The following ZNF142 variants were observed in gnomAD, a reference collection of about 807,000 sequenced individuals.
ZNF142 encodes the protein zinc finger protein 142, also known as zinc finger protein 142 (clone pHZ-49).
In ZNF142, 96 loss-of-function variants were observed where a neutral mutation model predicts 132.1. That is an observed-to-expected ratio of 0.73 (90% CI 0.62 to 0.86). The LOEUF (loss-of-function observed/expected upper bound fraction) is 0.86. Ranked by LOEUF, ZNF142 falls within the 40% of genes least tolerant of loss-of-function variation. The probability of loss-of-function intolerance (pLI) is 0.00; values close to 1 mark genes in which losing one functional copy is unlikely to be tolerated. For synonymous variants in ZNF142, 842 were observed against 890.1 expected, an observed-to-expected ratio of 0.95 and a Z score of 0.96; for missense variants, 2,163 against 2,336.2, an observed-to-expected ratio of 0.93 and a Z score of 1.53.
intron 4 of ZNF142, among the ~76,000 whole-genome samples, chr2:218,654,417 G>C (rs2106269623): frequency 6.6e-6 from 1 of 150,432 alleles, no homozygotes; most frequent in East Asian, 2.0e-4. Flanking sequence ...TCCAGGCTAG[G>C]GTTCAGTGGT....
In ZNF142 at chr2:218,633,397, C is replaced by A; in HGVS notation, c.*4942G>T. On this transcript the variant is annotated 3_prime_UTR_variant, in exon 11 of 11. Coordinates refer to ENST00000411696, the MANE Select transcript of ZNF142 (RefSeq NM_001379659.1). The stretch of plus-strand genomic sequence containing the variant: ...ATTCCCACCCCCAGGTTGTGACGTG[C>A]CCGCTGTTTTGTCCGTCTATCTGTT... 1.4e-6 allele frequency: 1 copy of A among 713,800 alleles called. No homozygotes were observed. The highest frequency in any genetic ancestry group is 2.5e-6 in the Non-Finnish European group (1 of 394,120). 44.2% of individuals were successfully genotyped at this position (713,800 alleles called of 1,614,324 possible). A position where few individuals can be genotyped will look rare whatever the true frequency, so the allele number is the denominator to read the frequency against.
chr2:218,634,541 C>T lies in ZNF142; in HGVS notation c.*3798G>A, dbSNP rs1263131530. 1 of 1,614,066 alleles carries T rather than the reference C, an allele frequency of 6.2e-7. No individual in the cohort carries two copies. Among genetic ancestry groups the T allele is most frequent in the Non-Finnish European group, 8.5e-7 (1 of 1,179,894 alleles). ...CCAGAATGGCGGCTGTGGCTATGTGCTGAAGCCAGACTTCCTGCGTGATAT... is the reference window on the plus strand; with the variant it reads ...CCAGAATGGCGGCTGTGGCTATGTGTTGAAGCCAGACTTCCTGCGTGATAT... On this transcript the variant is annotated 3_prime_UTR_variant, in exon 11 of 11. Transcript: ENST00000411696. The surrounding 1 kb of genome is among the most constrained non-coding windows in gnomAD (Gnocchi z 4.0).
At position 218,644,875 on chromosome 2, in the gene ZNF142, G is replaced by T; in HGVS notation, c.2241C>A (p.His747Gln). 6.2e-7 allele frequency: 1 copy of T among 1,614,126 alleles called. No homozygotes were observed. The highest frequency in any genetic ancestry group is 1.1e-5 in the South Asian group (1 of 91,082). Reference protein sequence around the residue: ...PGTPAPLYPCHYCSYQSRHKQ... With the variant: ...PGTPAPLYPCQYCSYQSRHKQ... ...TGTGGCGGCTCTGGTAACTGCAGTA[G>T]TGGCAAGGGTAGAGTGGGGCCGGTG... Residue 747 changes from histidine (H) to glutamine (Q), a missense_variant, in exon 9 of 11, where the codon CAC becomes CAA. Transcript: ENST00000411696. This position sits in a 1 kb window ranked among gnomAD's most constrained non-coding sequence, Gnocchi z 4.6.
chr2:218,646,701 T>C (rs1340193097), intron 7 of ZNF142, among the ~76,000 whole-genome samples: 1 of 152,156 alleles, frequency 6.6e-6, no homozygotes, highest in African/African-American at 2.4e-5. Flanking sequence ...TCTTGTGCCT[T>C]AGCCTCTCGA....
chr2:218,644,174 C>T lies in ZNF142; in HGVS notation c.2942G>A (p.Gly981Glu), dbSNP rs750890910. The change falls in exon 9 of 11, where the codon GGA becomes GAA. Residue 981 changes from glycine (G) to glutamate (E), a missense_variant. By Grantham distance (98) the Gly-to-Glu change is moderately conservative. This residue lies in a region of ZNF142 where 809 missense variants were observed against 801.7 expected (regional missense o/e 1.01). Coordinates refer to ENST00000411696, the MANE Select transcript of ZNF142 (RefSeq NM_001379659.1). This position sits in a 1 kb window ranked among gnomAD's most constrained non-coding sequence, Gnocchi z 4.6. ...SLEEAPNNWVGTFKTTPPAET... is the reference protein window; with the variant it reads ...SLEEAPNNWVETFKTTPPAET... The stretch of plus-strand genomic sequence containing the variant: ...AGCAGGTGGAGTTGTCTTGAAGGTT[C>T]CTACCCAGTTGTTAGGAGCCTCCTC... The T allele has an allele frequency of 1.2e-6, 2 of 1,614,106 alleles. No homozygotes were observed. Among genetic ancestry groups the T allele is most frequent in the Non-Finnish European group, 1.7e-6 (2 of 1,180,000 alleles).
Position 218,638,168 on chromosome 2 carries a change from T to C in ZNF142, c.*171A>G, listed in dbSNP as rs1696862067. On this transcript the variant is annotated 3_prime_UTR_variant, in exon 11 of 11. Transcript: ENST00000411696. Reference sequence around the variant, plus strand: ...CGTTATAGTCCATGTCCCTCTTTTATATGGGTGATAATTTCAAAGTACTAT... The same window carrying C: ...CGTTATAGTCCATGTCCCTCTTTTACATGGGTGATAATTTCAAAGTACTAT... 1 of 516,676 alleles carries C rather than the reference T, an allele frequency of 1.9e-6. No individual in the cohort carries two copies. The highest frequency in any genetic ancestry group is 3.1e-6 in the Non-Finnish European group (1 of 325,180). 32.0% of individuals were successfully genotyped at this position (516,676 alleles called of 1,614,324 possible). A position where few individuals can be genotyped will look rare whatever the true frequency, so the allele number is the denominator to read the frequency against.
intron 9 of ZNF142, 130 bp from the exon 10 acceptor site, chr2:218,640,899 T>C (rs1239733627): frequency 1.4e-6 from 1 of 715,594 alleles, no homozygotes; most frequent in Non-Finnish European, 2.3e-6. Flanking sequence ...TGGAACTTTG[T>C]TTTTCTTAAT....
At chr2:218,657,930 A>G (rs1938702666) in intron 3 of ZNF142, among the ~76,000 whole-genome samples, 1 of 152,206 alleles carries the variant, frequency 6.6e-6, no homozygotes, top group Non-Finnish European at 1.5e-5. Context: ...TTCAACGAAC[A>G]CAAATCACCC....
At position 218,634,669 on chromosome 2, in the gene ZNF142, A is replaced by T. The variant is rs771342574; in HGVS notation, c.*3670T>A. The T allele has an allele frequency of 6.2e-7, 1 of 1,602,924 alleles. No homozygotes were observed. The highest frequency in any genetic ancestry group is 8.5e-7 in the Non-Finnish European group (1 of 1,172,202). ...AAACTGTTGGGAAGAAACTGAGATA[A>T]CTGGGATAGAAGTGAGGGAAGAGGT... On this transcript the variant is annotated 3_prime_UTR_variant, in exon 11 of 11. Coordinates refer to ENST00000411696, the MANE Select transcript of ZNF142 (RefSeq NM_001379659.1). The surrounding 1 kb of genome is among the most constrained non-coding windows in gnomAD (Gnocchi z 4.0).
At position 218,634,625 on chromosome 2, in the gene ZNF142, A is replaced by T. The variant is rs1261178276; in HGVS notation, c.*3714T>A. ...CCCTTTCAAAGCCCAGACTCTCTTA[A>T]TCCAGGTACAGTGGAAATAAACTGT... On this transcript the variant is annotated 3_prime_UTR_variant, in exon 11 of 11. Transcript: ENST00000411696. This position sits in a 1 kb window ranked among gnomAD's most constrained non-coding sequence, Gnocchi z 4.0. The T allele has an allele frequency of 6.2e-7, 1 of 1,612,646 alleles. No homozygotes were observed.
At position 218,640,710 on chromosome 2, in the gene ZNF142, C is replaced by A. The variant is rs745634991; in HGVS notation, c.5148G>T (p.Lys1716Asn). Residue 1716 changes from lysine (K) to asparagine (N), a missense_variant, in exon 10 of 11, where the codon AAG (lysine) becomes AAT (asparagine). By Grantham distance (94) the Lys-to-Asn change is moderately conservative. Coordinates refer to ENST00000411696, the MANE Select transcript of ZNF142 (RefSeq NM_001379659.1). ...RKYLCPECGY[K>N]CKWVNQLKYH... The stretch of plus-strand genomic sequence containing the variant: ...ATTTCAGCTGGTTGACCCACTTGCA[C>A]TTGTAGCCACACTCAGGGCACAGGT... 3.1e-6 allele frequency: 5 copies of A among 1,614,064 alleles called. No homozygotes were observed. In the Admixed American group the frequency reaches 8.3e-5, roughly 27 times the overall value.
rs768250471 is a variant in ZNF142 at position 218,642,505 on chromosome 2, GCACAGCAACC to G, written c.4601_4610del (p.Gly1534AlafsTer60). The G allele has an allele frequency of 6.2e-7, 1 of 1,607,444 alleles. No homozygotes were observed. The highest frequency in any genetic ancestry group is 1.7e-5 in the Admixed American group (1 of 59,810). Reference sequence around the variant, plus strand: ...GTCCTCGTAAGCTGGCAGGGCTGGGGCACAGCAACCCACAGCGGGAACAGTGCAGGGGGCC... The same window carrying G: ...GTCCTCGTAAGCTGGCAGGGCTGGGGCACAGCGGGAACAGTGCAGGGGGCC... On this transcript the variant is annotated frameshift_variant, in exon 9 of 11. Coordinates refer to ENST00000411696, the MANE Select transcript of ZNF142 (RefSeq NM_001379659.1). LOFTEE classifies it high-confidence loss of function. This position sits in a 1 kb window ranked among gnomAD's most constrained non-coding sequence, Gnocchi z 4.6.
chr2:218,646,409 G>C, intron 7 of ZNF142, 61 bp from the exon 8 acceptor site: 2 of 1,573,106 alleles, frequency 1.3e-6, no homozygotes, highest in Non-Finnish European at 1.7e-6. Context: ...CAAGTGGACA[G>C]ACCATTTCTT....
At position 218,644,044 on chromosome 2, in the gene ZNF142, C is replaced by T. The variant is rs1575065259; in HGVS notation, c.3072G>A (p.Val1024=). The change falls in exon 9 of 11, where the codon GTG becomes GTA. Residue 1024 remains valine (V), a synonymous_variant. Transcript: ENST00000411696. The surrounding 1 kb of genome is among the most constrained non-coding windows in gnomAD (Gnocchi z 4.6). ...QAEALVLEGR[V]QMVVIQGEGR... is the part of the protein sequence containing the mutation. ...CCTCTCCCTGGATCACTACCATCTG[C>T]ACCCGCCCCTCTAGCACCAATGCCT... 1 of 1,614,108 alleles carries T rather than the reference C, an allele frequency of 6.2e-7. No homozygotes were observed. The highest frequency in any genetic ancestry group is 8.5e-7 in the Non-Finnish European group (1 of 1,180,016).
At chr2:218,638,899 GC>G (rs1200146870) in intron 10 of ZNF142, 91 bp from the exon 11 acceptor site, 1 of 1,010,444 alleles carries the variant, frequency 9.9e-7, no homozygotes, top group African/African-American at 1.6e-5. Flanking sequence ...TATAAAGAAT[GC>G]AAGCAGCAAG....
At chr2:218,657,765 G>A (rs1353376892) in intron 3 of ZNF142, among the ~76,000 whole-genome samples, 6 of 152,010 alleles carry the variant, frequency 3.9e-5, no homozygotes, top group African/African-American at 1.2e-4. Flanking sequence ...CTCTTCTGGC[G>A]TCCTAAGGGC....
chr2:218,646,434 C>T, intron 7 of ZNF142, 86 bp from the exon 8 acceptor site: 1 of 1,485,658 alleles, frequency 6.7e-7, no homozygotes, highest in Non-Finnish European at 9.1e-7. Context: ...CAAGCCTGCC[C>T]TGATGCCAGG....
At chr2:218,654,492 G>A (rs1938304772) in intron 4 of ZNF142, among the ~76,000 whole-genome samples, 1 of 151,486 alleles carries the variant, frequency 6.6e-6, no homozygotes, top group African/African-American at 2.4e-5. Flanking sequence ...TCAGCCTCCT[G>A]AGTAGCTGGG....
chr2:218,643,519 G>C lies in ZNF142; in HGVS notation c.3597C>G (p.His1199Gln). 6.2e-7 allele frequency: 1 copy of C among 1,611,732 alleles called. No homozygotes were observed. The highest frequency in any genetic ancestry group is 8.5e-7 in the Non-Finnish European group (1 of 1,178,336). ...CTGCAGGAGGGACTGGGTCAAGGTG[G>C]TGCTTCTTAGGGGCCTCCGTGGGTG... ...NSSPTEAPKK[H>Q]HLDPVPPAGN... The change falls in exon 9 of 11, where the codon CAC (histidine) becomes CAG (glutamine). Residue 1199 changes from histidine (H) to glutamine (Q), a missense_variant. His to Gln is a conservative substitution (Grantham distance 24). Transcript: ENST00000411696.
Sources: allele counts gnomAD v4.1 joint callset (sites outside exome capture counted in the v4.1 genomes callset), GRCh38; gene constraint gnomAD v4.1.1; regional missense constraint gnomAD v4.1.1; non-coding constraint Gnocchi (gnomAD v3.1); transcripts MANE v1.5; gene names NCBI Gene and HGNC (gene_info 2026-07-23, HGNC 2026-07-21).